RASGEF1B: variants seen among roughly 807,000 people sequenced by gnomAD.
RASGEF1B encodes the protein RasGEF domain family member 1B.
In RASGEF1B, 30 loss-of-function variants were observed where a neutral mutation model predicts 65.7. The observed-to-expected ratio is 0.46, with a 90% CI of 0.34 to 0.62. RASGEF1B has a LOEUF of 0.62. RASGEF1B is among the 20% of genes least tolerant of loss of function. The pLI is 0.01. For missense variants in RASGEF1B, 495 were observed against 580.1 expected, an observed-to-expected ratio of 0.85 and a Z score of 1.51; for synonymous variants, 175 against 194.8, an observed-to-expected ratio of 0.90 and a Z score of 0.85.
In RASGEF1B at chr4:81,427,569, ATCTGAG is replaced by A; in HGVS notation, c.*193_*198del. ...TCAGTGAACATTTCAGTCTCACAAA[ATCTGAG>A]TCTATCTGTCAGCTGCAGGAAATAA... On this transcript the variant is annotated 3_prime_UTR_variant, in exon 14 of 14. Transcript: ENST00000264400. The A allele has an allele frequency of 1.9e-6, 1 of 531,376 alleles. No individual in the cohort carries two copies. The highest frequency in any genetic ancestry group is 3.3e-6 in the Non-Finnish European group (1 of 302,536). 32.9% of individuals were successfully genotyped at this position (531,376 alleles called of 1,614,324 possible). A position where few individuals can be genotyped will look rare whatever the true frequency, so the allele number is the denominator to read the frequency against.
chr4:81,430,077 G>A (rs1721370720), intron 13 of RASGEF1B, among the ~76,000 whole-genome samples: 1 of 152,166 alleles, frequency 6.6e-6, no homozygotes, highest in Admixed American at 6.5e-5. Context: ...TGAGGCGGGC[G>A]GATCACGAGG....
At position 81,459,522 on chromosome 4, in the gene RASGEF1B, G is replaced by C. The variant is rs772591612; in HGVS notation, c.-6-8C>G. On this transcript the variant is annotated splice_region_variant and splice_polypyrimidine_tract_variant and intron_variant, in intron 1 of 13. Transcript: ENST00000264400. ...AGTCTGAGGCATACTTTCCTAAAAGGAATAAAAAAGAAGAAAAAATAATGT... is the reference window on the plus strand; with the variant it reads ...AGTCTGAGGCATACTTTCCTAAAAGCAATAAAAAAGAAGAAAAAATAATGT... The C allele has an allele frequency of 6.5e-7, 1 of 1,539,528 alleles. No individual in the cohort carries two copies. The highest frequency in any genetic ancestry group is 8.7e-7 in the Non-Finnish European group (1 of 1,146,040).
intron 4 of RASGEF1B, chr4:81,453,498 CTA>C (rs1171871593): frequency 6.6e-6 from 1 of 152,182 alleles, no homozygotes. Context: ...GAAAAAAAGT[CTA>C]TATGTGTTCA....
At chr4:81,466,817 A>AGAAAGAAAGAAAGAAAGAAAG (rs1553947168) in intron 1 of RASGEF1B, among the ~76,000 whole-genome samples, 3 of 149,604 alleles carry the variant, frequency 2.0e-5, no homozygotes, top group African/African-American at 7.5e-5. Flanking sequence ...AAAGAAAGAA[A>AGAAAGAAAGAAAGAAAGAAAG]GAAAGAAAAT....
At chr4:81,447,448 T>C (rs1722066277) in intron 6 of RASGEF1B, 56 bp downstream of exon 6, 2 of 1,283,638 alleles carry the variant, frequency 1.6e-6, no homozygotes, top group South Asian at 1.2e-5. Flanking sequence ...CCCACTATCA[T>C]AGACTGATAA....
intron 11 of RASGEF1B, 66 bp from the exon 12 acceptor site, chr4:81,434,029 G>T: frequency 1.5e-6 from 2 of 1,353,276 alleles, no homozygotes; most frequent in Non-Finnish European, 2.1e-6. Context: ...TTTGGGAGAG[G>T]CAATACCATT....
At chr4:81,461,025 TCTG>T (rs1560710597) in intron 1 of RASGEF1B, among the ~76,000 whole-genome samples, 1 of 151,964 alleles carries the variant, frequency 6.6e-6, no homozygotes, top group African/African-American at 2.4e-5. Context: ...ACACAGATGG[TCTG>T]CACACACCCT....
chr4:81,453,301 C>T (rs1454667100), intron 4 of RASGEF1B: 1 of 152,164 alleles, frequency 6.6e-6, no homozygotes, highest in Non-Finnish European at 1.5e-5. Context: ...GGTTCCAGGA[C>T]TTCCCTGGGA....
At chr4:81,469,290 A>C (rs1490291066) in intron 1 of RASGEF1B, among the ~76,000 whole-genome samples, 1 of 152,162 alleles carries the variant, frequency 6.6e-6, no homozygotes. Context: ...TTCTTCTCCC[A>C]AGCAAAGAAA....
At chr4:81,457,895 G>T (rs1445732988) in intron 2 of RASGEF1B, among the ~76,000 whole-genome samples, 1 of 152,104 alleles carries the variant, frequency 6.6e-6, no homozygotes, top group Non-Finnish European at 1.5e-5. Context: ...CTTCCTCAGG[G>T]AGCCAGGATA....
At position 81,426,834 on chromosome 4, in the gene RASGEF1B, G is replaced by C. The variant is rs557435883; in HGVS notation, c.*934C>G. 2 of 152,064 alleles carry C rather than the reference G, an allele frequency of 1.3e-5. No individual in the cohort carries two copies. The highest frequency in any genetic ancestry group is 4.8e-5 in the African/African-American group (2 of 41,496). 9.4% of individuals were successfully genotyped at this position (152,064 alleles called of 1,614,324 possible). ...CGATTAAAAAGAAAATTGTAATTAT[G>C]CCATGGGTTTTCCCAAGATCCTTAA... On this transcript the variant is annotated 3_prime_UTR_variant, in exon 14 of 14. Coordinates refer to ENST00000264400, the MANE Select transcript of RASGEF1B (RefSeq NM_152545.3).
intron 10 of RASGEF1B, among the ~76,000 whole-genome samples, chr4:81,435,673 C>T (rs1339107299): frequency 4.0e-5 from 6 of 148,650 alleles, no homozygotes; most frequent in African/African-American, 7.4e-5. Flanking sequence ...GACAGGGTTT[C>T]ACCGTGTTAG....
At position 81,433,976 on chromosome 4, in the gene RASGEF1B, T is replaced by TA. The variant is rs1438093119; in HGVS notation, c.1201-14dup. The TA allele has an allele frequency of 6.2e-6, 10 of 1,606,820 alleles. No homozygotes were observed. Among genetic ancestry groups the TA allele is most frequent in the Non-Finnish European group, 3.4e-6 (4 of 1,174,530 alleles). On this transcript the variant is annotated splice_polypyrimidine_tract_variant and intron_variant, in intron 11 of 13. Coordinates refer to ENST00000264400, the MANE Select transcript of RASGEF1B (RefSeq NM_152545.3). ...GTTCCCAAAATTTCTGGAAGATAAG[T>TA]AAAAAAAGAATATAAAGGTGATCAT...
intron 1 of RASGEF1B, among the ~76,000 whole-genome samples, chr4:81,470,206 A>G (rs1305886104): frequency 6.6e-6 from 1 of 152,208 alleles, no homozygotes; most frequent in Non-Finnish European, 1.5e-5. Context: ...AAACCTCAAC[A>G]GCAAATAATT....
Position 81,427,666 on chromosome 4 carries a change from G to T in RASGEF1B, c.*102C>A. 1.5e-6 allele frequency: 2 copies of T among 1,370,740 alleles called. No homozygotes were observed. The highest frequency in any genetic ancestry group is 1.0e-6 in the Non-Finnish European group (1 of 979,264). 84.9% of individuals were successfully genotyped at this position (1,370,740 alleles called of 1,614,324 possible). A position where few individuals can be genotyped will look rare whatever the true frequency, so the allele number is the denominator to read the frequency against. ...ACCCGGGTGCTCCAATGACTGCAGG[G>T]TCTTCATGAGTGTTCGTGGTACGAG... On this transcript the variant is annotated 3_prime_UTR_variant, in exon 14 of 14. Coordinates refer to ENST00000264400, the MANE Select transcript of RASGEF1B (RefSeq NM_152545.3).
intron 1 of RASGEF1B, among the ~76,000 whole-genome samples, chr4:81,466,806 GA>G (rs1279124345): frequency 6.9e-6 from 1 of 144,186 alleles, no homozygotes; most frequent in African/African-American, 2.6e-5. Context: ...AAGAAAGAAA[GA>G]AAGAAAGAAA....
At position 81,448,169 on chromosome 4, in the gene RASGEF1B, A is replaced by G. The variant is rs1417248417; in HGVS notation, c.554T>C (p.Leu185Pro). 1.2e-6 allele frequency: 2 copies of G among 1,614,114 alleles called. No individual in the cohort carries two copies. The highest frequency in any genetic ancestry group is 1.7e-6 in the Non-Finnish European group (2 of 1,180,012). ...AKISSTSTDRLTVLKTKPQSI... is the reference protein window; with the variant it reads ...AKISSTSTDRPTVLKTKPQSI... ...CTGTGGCTTGGTCTTGAGAACTGTG[A>G]GCCGATCTGTGGATGTGGAGCTGAT... The change falls in exon 5 of 14, where the codon CTC (leucine) becomes CCC (proline). Residue 185 changes from leucine (L) to proline (P), a missense_variant. Physicochemically the swap from Leu to Pro is moderately conservative, Grantham distance 98 (BLOSUM62 -3). Coordinates refer to ENST00000264400, the MANE Select transcript of RASGEF1B (RefSeq NM_152545.3).
At chr4:81,441,783 T>G (rs1422985837) in intron 9 of RASGEF1B, among the ~76,000 whole-genome samples, 1 of 152,130 alleles carries the variant, frequency 6.6e-6, no homozygotes, top group East Asian at 1.9e-4. Flanking sequence ...GTTCAGGTGA[T>G]CCTCCTGCCT....
At chr4:81,441,921 C>T (rs1486476499) in intron 9 of RASGEF1B, among the ~76,000 whole-genome samples, 1 of 152,124 alleles carries the variant, frequency 6.6e-6, no homozygotes, top group African/African-American at 2.4e-5. Flanking sequence ...GGATGATGAA[C>T]AAATGTTACT....
Sources: allele counts gnomAD v4.1 joint callset (sites outside exome capture counted in the v4.1 genomes callset), GRCh38; gene constraint gnomAD v4.1.1; transcripts MANE v1.5; gene names NCBI Gene and HGNC (gene_info 2026-07-23, HGNC 2026-07-21).